ALPK2: variants seen among roughly 807,000 people sequenced by gnomAD.
ALPK2 encodes alpha-protein kinase 2.
In ALPK2, 127 loss-of-function variants were observed where a neutral mutation model predicts 163.1. That is an observed-to-expected ratio of 0.78 (90% CI 0.67 to 0.90). ALPK2 has a LOEUF of 0.90. Among genes scored for constraint, ALPK2 ranks in the 40% least tolerant of loss-of-function variants. The pLI is 0.00. For synonymous variants in ALPK2, 953 were observed against 959.1 expected, an observed-to-expected ratio of 0.99 and a Z score of 0.12; for missense variants, 2,360 against 2,589.6, an observed-to-expected ratio of 0.91 and a Z score of 1.92.
chr18:58,534,740 G>A, intron 5 of ALPK2, 94 bp downstream of exon 5: 1 of 1,463,022 alleles, frequency 6.8e-7, no homozygotes, highest in Non-Finnish European at 9.1e-7. Context: ...GGGGACACTG[G>A]CCTTAATTGC....
chr18:58,485,808 C>T (rs9946096), intron 12 of ALPK2, among the ~76,000 whole-genome samples: 3,619 of 152,286 alleles, frequency 0.024, 146 homozygotes, highest in African/African-American at 0.083. Flanking sequence ...CCGGTTGCTT[C>T]ACACCAACTC....
chr18:58,529,196 T>G lies in ALPK2; in HGVS notation c.5396A>C (p.Glu1799Ala). Residue 1799 changes from glutamate (E) to alanine (A), a missense_variant, in exon 6 of 13, where the codon GAA becomes GCA. Glu to Ala is a moderately radical substitution (Grantham distance 107). Transcript: ENST00000361673. ...GCTTAATTTTACATTTCCAGAGTGT[T>G]CAGGGAACATCTCAGCTTGGATCTT... ...LKKIQAEMFP[E>A]HSGNVKLSCQ... is the part of the protein sequence containing the mutation. 6.2e-7 allele frequency: 1 copy of G among 1,613,854 alleles called. No individual in the cohort carries two copies. Among genetic ancestry groups the G allele is most frequent in the Non-Finnish European group, 8.5e-7 (1 of 1,179,908 alleles).
At chr18:58,620,029 G>A (rs28799099) in intron 1 of ALPK2, among the ~76,000 whole-genome samples, 4,671 of 152,220 alleles carry the variant, frequency 0.031, 244 homozygotes, top group African/African-American at 0.11. Flanking sequence ...GGTGGCTCAC[G>A]CCTGTTATCC....
intron 12 of ALPK2, among the ~76,000 whole-genome samples, chr18:58,484,971 G>A (rs922724019): frequency 6.6e-6 from 1 of 152,170 alleles, no homozygotes; most frequent in African/African-American, 2.4e-5. Flanking sequence ...CCAGGTAAAG[G>A]GTAGGGGCAG....
intron 1 of ALPK2, among the ~76,000 whole-genome samples, chr18:58,619,930 A>G (rs2052189347): frequency 6.6e-6 from 1 of 152,270 alleles, no homozygotes; most frequent in East Asian, 1.9e-4. Flanking sequence ...CGGTCCAACT[A>G]GTGAATGGGT....
chr18:58,603,422 T>C (rs1188018432), intron 3 of ALPK2, among the ~76,000 whole-genome samples: 1 of 152,248 alleles, frequency 6.6e-6, no homozygotes, highest in African/African-American at 2.4e-5. Flanking sequence ...TCTATGGACC[T>C]GTCCCCAGCC....
Position 58,579,950 on chromosome 18 carries a change from G to T in ALPK2, c.826C>A (p.Leu276Ile). 1 of 1,614,202 alleles carries T rather than the reference G, an allele frequency of 6.2e-7. No individual in the cohort carries two copies. The change falls in exon 4 of 13, where the codon CTA becomes ATA. Residue 276 changes from leucine to isoleucine, a missense_variant. Coordinates refer to ENST00000361673, the MANE Select transcript of ALPK2 (RefSeq NM_052947.4). ...VQKYISFSLP[L>I]SEATAHIYPG... is the part of the protein sequence containing the mutation. ...TAAATGTGTGCAGTTGCCTCAGATAGCGGGAGGCTGAAGCTAATGTATTTC... is the reference window on the plus strand; with the variant it reads ...TAAATGTGTGCAGTTGCCTCAGATATCGGGAGGCTGAAGCTAATGTATTTC...
chr18:58,572,578 A>G (rs2051891389), intron 4 of ALPK2, among the ~76,000 whole-genome samples: 1 of 152,220 alleles, frequency 6.6e-6, no homozygotes, highest in African/African-American at 2.4e-5. Context: ...CACAAGTTGA[A>G]TGAATCTCCG....
chr18:58,502,448 A>G (rs866029469), intron 11 of ALPK2, among the ~76,000 whole-genome samples: 1 of 152,210 alleles, frequency 6.6e-6, no homozygotes, highest in African/African-American at 2.4e-5. Flanking sequence ...TTAATTCTCA[A>G]AACAACTCTG....
At chr18:58,622,462 G>C (rs1043490118) in intron 1 of ALPK2, among the ~76,000 whole-genome samples, 4 of 152,130 alleles carry the variant, frequency 2.6e-5, no homozygotes, top group Non-Finnish European at 4.4e-5. Context: ...ACATTTCCAA[G>C]GTCACACAGC....
chr18:58,540,122 T>C (rs981575311), intron 4 of ALPK2, among the ~76,000 whole-genome samples: 2 of 152,186 alleles, frequency 1.3e-5, no homozygotes, highest in Admixed American at 1.3e-4. Context: ...GAGCTCCCAT[T>C]CTGTGTTCTA....
intron 6 of ALPK2, among the ~76,000 whole-genome samples, chr18:58,528,464 AG>A (rs567951671): frequency 2.0e-5 from 3 of 152,240 alleles, no homozygotes; most frequent in Admixed American, 2.0e-4. Flanking sequence ...TAAGCCCAGG[AG>A]GTGGAGGCTG....
chr18:58,553,104 A>G (rs1479054006), intron 4 of ALPK2, among the ~76,000 whole-genome samples: 1 of 152,164 alleles, frequency 6.6e-6, no homozygotes, highest in Non-Finnish European at 1.5e-5. Context: ...GCTTCTGGCC[A>G]CCACTGGAGC....
chr18:58,501,671 C>T (rs916724393), intron 11 of ALPK2, among the ~76,000 whole-genome samples: 2 of 152,154 alleles, frequency 1.3e-5, no homozygotes, highest in East Asian at 3.8e-4. Flanking sequence ...GAGTCTTGGA[C>T]CCCTCTACTT....
rs141090948 is a variant in ALPK2, at chr18:58,586,441, C to T, written c.228-5893G>A. ...AAAGGCAATCTGGGGAGCCTTTATT[C>T]GAGAAAAATGGCTGAATCTCAGTAA... On this transcript the variant is annotated intron_variant, in intron 3 of 12. Transcript: ENST00000361673. Among the ~76,000 whole-genome samples the T allele has an allele frequency of 5.1e-3, 769 of 152,234 alleles. 1 individual carries two copies. Among genetic ancestry groups the T allele is most frequent in the South Asian group, 0.032 (155 of 4,820 alleles).
In ALPK2 at chr18:58,494,194, G is replaced by C. The variant is rs1224436286; in HGVS notation, c.6296+3855C>G. ...ATTTGTTCAACGGGTTAGTATCTTGGGTCTATCTAGAAAATGGATTACTGG... is the reference window on the plus strand; with the variant it reads ...ATTTGTTCAACGGGTTAGTATCTTGCGTCTATCTAGAAAATGGATTACTGG... On this transcript the variant is annotated intron_variant, in intron 12 of 12. Transcript: ENST00000361673. Among the ~76,000 whole-genome samples, 5 of 152,070 alleles carry C rather than the reference G, an allele frequency of 3.3e-5. No individual in the cohort carries two copies. The East Asian group carries it at 9.6e-4, about 29-fold the overall frequency.
chr18:58,547,562 G>A (rs576025016), intron 4 of ALPK2, among the ~76,000 whole-genome samples: 3 of 152,204 alleles, frequency 2.0e-5, no homozygotes, highest in African/African-American at 7.2e-5. Flanking sequence ...TACAGACCTA[G>A]TCCAAGCCAG....
At chr18:58,552,438 A>G (rs1254655500) in intron 4 of ALPK2, among the ~76,000 whole-genome samples, 1 of 152,218 alleles carries the variant, frequency 6.6e-6, no homozygotes, top group Non-Finnish European at 1.5e-5. Context: ...ACAAATGACT[A>G]TATGTAAAGG....
chr18:58,534,186 T>C (rs2051630896), intron 5 of ALPK2, among the ~76,000 whole-genome samples: 1 of 151,770 alleles, frequency 6.6e-6, no homozygotes, highest in Non-Finnish European at 1.5e-5. Flanking sequence ...TAGGTAGAGG[T>C]TGATCAAGGA....
Sources: allele counts gnomAD v4.1 joint callset (sites outside exome capture counted in the v4.1 genomes callset), GRCh38; gene constraint gnomAD v4.1.1; transcripts MANE v1.5; gene names NCBI Gene and HGNC (gene_info 2026-07-23, HGNC 2026-07-21).